EIF2B1: variants seen among roughly 807,000 people sequenced by gnomAD.
EIF2B1 encodes eukaryotic translation initiation factor 2B subunit alpha.
EIF2B1 carries 30 observed loss-of-function variants against 36.8 expected under a neutral mutation model. That is an observed-to-expected ratio of 0.81 (90% CI 0.61 to 1.10). EIF2B1 has a LOEUF of 1.10. EIF2B1 is among the 50% of genes least tolerant of loss of function. The pLI is 0.00. For missense variants in EIF2B1, 271 were observed against 374.8 expected, an observed-to-expected ratio of 0.72 and a Z score of 2.29; for synonymous variants, 139 against 142.2, an observed-to-expected ratio of 0.98 and a Z score of 0.16.
At chr12:123,623,339 C>T (rs112542120) in intron 7 of EIF2B1, among the ~76,000 whole-genome samples, 1,872 of 152,140 alleles carry the variant, frequency 0.012, 36 homozygotes, top group African/African-American at 0.041. Flanking sequence ...TGAGCCAAGA[C>T]TGTGCCATTG....
chr12:123,623,153 G>T (rs1348987460), intron 7 of EIF2B1, among the ~76,000 whole-genome samples: 1 of 152,156 alleles, frequency 6.6e-6, no homozygotes, highest in Non-Finnish European at 1.5e-5. Flanking sequence ...GGCCGAGGTG[G>T]GTGGATCACC....
rs1955181614 is a variant in EIF2B1, at chr12:123,630,769, G to T, written c.116-236C>A. Among the ~76,000 whole-genome samples the T allele has an allele frequency of 6.6e-6, 1 of 152,144 alleles. No homozygotes were observed. Among genetic ancestry groups the T allele is most frequent in the African/African-American group, 2.4e-5 (1 of 41,428 alleles). On this transcript the variant is annotated intron_variant, in intron 2 of 8. Coordinates refer to ENST00000424014, the MANE Select transcript of EIF2B1 (RefSeq NM_001414.4). The surrounding 1 kb of genome is among the most constrained non-coding windows in gnomAD (Gnocchi z 4.6). ...CAAGCACACATAGAAATAAAGCTGG[G>T]TGGCTGGGCATGGTGGCTCACGCCT...
At chr12:123,629,218 T>C in intron 4 of EIF2B1, among the ~76,000 whole-genome samples, 1 of 152,170 alleles carries the variant, frequency 6.6e-6, no homozygotes, top group East Asian at 1.9e-4. Context: ...AAAGGACGTA[T>C]GCTGGTGGGA....
chr12:123,622,561 A>G, intron 8 of EIF2B1, 75 bp downstream of exon 8: 1 of 1,599,232 alleles, frequency 6.3e-7, no homozygotes, highest in Non-Finnish European at 8.6e-7. Flanking sequence ...AAATTACTGG[A>G]ACATTCTTAG....
intron 6 of EIF2B1, 189 bp downstream of exon 6, chr12:123,626,235 AG>A (rs761233534): frequency 1.7e-5 from 11 of 637,812 alleles, no homozygotes; most frequent in Non-Finnish European, 2.8e-5. Context: ...AACATCCTAC[AG>A]CTCTGTCTTC....
chr12:123,621,366 T>C lies in EIF2B1; in HGVS notation c.*390A>G. The C allele has an allele frequency of 3.0e-6, 1 of 336,022 alleles. No homozygotes were observed. Among genetic ancestry groups the C allele is most frequent in the South Asian group, 2.4e-5 (1 of 41,352 alleles). 20.8% of individuals were successfully genotyped at this position (336,022 alleles called of 1,614,324 possible). On this transcript the variant is annotated 3_prime_UTR_variant, in exon 9 of 9. Coordinates refer to ENST00000424014, the MANE Select transcript of EIF2B1 (RefSeq NM_001414.4). ...GTCCTGACCAGCTGTTGGTCATTTG[T>C]GGCAGAGGGGTGTGGCTGCTTTTCG...
chr12:123,633,137 CAT>C (rs11572909), intron 1 of EIF2B1, among the ~76,000 whole-genome samples: 5,512 of 151,258 alleles, frequency 0.036, 262 homozygotes, highest in African/African-American at 0.11. Flanking sequence ...TTCACATACA[CAT>C]ATATGTTACA....
chr12:123,622,052 G>A (rs1315563626), intron 8 of EIF2B1, 132 bp from the exon 9 acceptor site: 6 of 1,270,536 alleles, frequency 4.7e-6, no homozygotes, highest in Non-Finnish European at 6.6e-6. Context: ...AGCTATGCAG[G>A]ACACTAGAGA....
At chr12:123,625,083 C>T (rs143396074) in intron 6 of EIF2B1, among the ~76,000 whole-genome samples, 154 of 152,160 alleles carry the variant, frequency 1.0e-3, no homozygotes, top group African/African-American at 3.5e-3. Flanking sequence ...CACTGCCGCC[C>T]GGCGCATGCA....
At chr12:123,631,577 C>T (rs563637016) in intron 2 of EIF2B1, among the ~76,000 whole-genome samples, 369 of 151,298 alleles carry the variant, frequency 2.4e-3, no homozygotes, top group African/African-American at 8.1e-3. Context: ...GGGAGGCCGA[C>T]ATGGGCGGAT....
intron 7 of EIF2B1, among the ~76,000 whole-genome samples, chr12:123,623,082 T>C (rs573574561): frequency 6.7e-6 from 1 of 149,612 alleles, no homozygotes; most frequent in Non-Finnish European, 1.5e-5. Context: ...TCAAAGGATA[T>C]AGAAACAGCC....
chr12:123,622,520 G>A lies in EIF2B1; in HGVS notation c.753+116C>T. 3.6e-6 allele frequency: 5 copies of A among 1,399,374 alleles called. No individual in the cohort carries two copies. In the South Asian group the frequency reaches 5.9e-5, roughly 17 times the overall value. 86.7% of individuals were successfully genotyped at this position (1,399,374 alleles called of 1,614,324 possible). A position where few individuals can be genotyped will look rare whatever the true frequency, so the allele number is the denominator to read the frequency against. On this transcript the variant is annotated intron_variant, in intron 8 of 8. Coordinates refer to ENST00000424014, the MANE Select transcript of EIF2B1 (RefSeq NM_001414.4). ...TCACCAATTTATCTTTGTATTCCAA[G>A]TGTTGGGGAAAGTAGCAATAGGAAG...
rs1955078578 is a variant in EIF2B1 at position 123,620,731 on chromosome 12, A to G, written c.*1025T>C. 1 of 150,758 alleles carries G rather than the reference A, an allele frequency of 6.6e-6. No homozygotes were observed. The highest frequency in any genetic ancestry group is 6.6e-5 in the Admixed American group (1 of 15,054). The allele number at this position is 150,758 out of a possible 1,614,324, so 9.3% of individuals were successfully genotyped here. On this transcript the variant is annotated 3_prime_UTR_variant, in exon 9 of 9. Transcript: ENST00000424014. The stretch of plus-strand genomic sequence containing the variant: ...AAACCATTCCTCAGTATCTTCAGGC[A>G]TTTGACCTCCTGAATGTGCTTGGCC...
rs937282556 is a variant in EIF2B1 at position 123,630,739 on chromosome 12, G to A, written c.116-206C>T. Among the ~76,000 whole-genome samples, 1 of 152,206 alleles carries A rather than the reference G, an allele frequency of 6.6e-6. No individual in the cohort carries two copies. Among genetic ancestry groups the A allele is most frequent in the African/African-American group, 2.4e-5 (1 of 41,442 alleles). The stretch of plus-strand genomic sequence containing the variant: ...TTGATTGTAATAGAGGAAGCGGATA[G>A]TAAACAAGCACACATAGAAATAAAG... On this transcript the variant is annotated intron_variant, in intron 2 of 8. Transcript: ENST00000424014. The surrounding 1 kb of genome is among the most constrained non-coding windows in gnomAD (Gnocchi z 4.6).
intron 6 of EIF2B1, 113 bp downstream of exon 6, chr12:123,626,312 G>A: frequency 1.6e-6 from 2 of 1,263,524 alleles, no homozygotes; most frequent in Non-Finnish European, 2.3e-6. Flanking sequence ...TAAGAAGTAG[G>A]ACGCTACCTG....
Position 123,621,809 on chromosome 12 carries a change from C to T in EIF2B1, c.865G>A (p.Gly289Ser). 6.2e-7 allele frequency: 1 copy of T among 1,613,968 alleles called. No individual in the cohort carries two copies. Among genetic ancestry groups the T allele is most frequent in the Non-Finnish European group, 8.5e-7 (1 of 1,180,028 alleles). Residue 289 changes from glycine (G) to serine (S), a missense_variant, in exon 9 of 9, where the codon GGC becomes AGC. Transcript: ENST00000424014. ...SLITLLFTDLGVLTPSAVSDE... is the reference protein window; with the variant it reads ...SLITLLFTDLSVLTPSAVSDE... ...CTGACTGCTGAGGGTGTCAGCACGC[C>T]CAGGTCTGTAAACAGCAGAGTGATT...
chr12:123,622,613 C>G (rs1446769978), intron 8 of EIF2B1, 23 bp downstream of exon 8: 2 of 1,613,684 alleles, frequency 1.2e-6, no homozygotes, highest in Non-Finnish European at 1.7e-6. Flanking sequence ...TTTAGTACCC[C>G]TTCAAATATG....
chr12:123,629,219 G>A (rs186470636), intron 4 of EIF2B1, among the ~76,000 whole-genome samples: 2 of 152,326 alleles, frequency 1.3e-5, no homozygotes, highest in East Asian at 1.9e-4. Flanking sequence ...AAGGACGTAT[G>A]CTGGTGGGAG....
At position 123,630,433 on chromosome 12, in the gene EIF2B1, G is replaced by T; in HGVS notation, c.216C>A (p.Phe72Leu). Residue 72 changes from phenylalanine (F) to leucine (L), a missense_variant, in exon 3 of 9, where the codon TTC becomes TTA. Transcript: ENST00000424014. This position sits in a 1 kb window ranked among gnomAD's most constrained non-coding sequence, Gnocchi z 4.6. ...SVAVSSGGEL[F>L]LRFISLASLE... The stretch of plus-strand genomic sequence containing the variant: ...GGGAGGCAAGACTGATGAAGCGGAG[G>T]AAGAGCTCCCCGCCAGAGGACACTG... The T allele has an allele frequency of 6.2e-7, 1 of 1,614,126 alleles. No individual in the cohort carries two copies. Among genetic ancestry groups the T allele is most frequent in the Non-Finnish European group, 8.5e-7 (1 of 1,180,020 alleles).
Sources: allele counts gnomAD v4.1 joint callset (sites outside exome capture counted in the v4.1 genomes callset), GRCh38; gene constraint gnomAD v4.1.1; non-coding constraint Gnocchi (gnomAD v3.1); transcripts MANE v1.5; gene names NCBI Gene and HGNC (gene_info 2026-07-23, HGNC 2026-07-21).